Variants in CHCHD4 observed in about 807,000 individuals in gnomAD.
CHCHD4 encodes mitochondrial intermembrane space import and assembly protein 40.
A neutral mutation model predicts 12.4 loss-of-function variants in CHCHD4; 7 were observed. The observed-to-expected ratio is 0.57, with a 90% CI of 0.32 to 1.06. The LOEUF (loss-of-function observed/expected upper bound fraction) is 1.06. Ranked by LOEUF, CHCHD4 falls within the 50% of genes least tolerant of loss-of-function variation. CHCHD4 has a pLI of 0.04. For missense variants in CHCHD4, 143 were observed against 175.1 expected (o/e 0.82, Z 1.03); for synonymous variants, 56 against 58.0 (o/e 0.97, Z 0.16).
intron 1 of CHCHD4, among the ~76,000 whole-genome samples, chr3:14,123,007 T>A (rs1417901728): frequency 9.2e-6 from 1 of 108,300 alleles, no homozygotes; most frequent in African/African-American, 3.6e-5. Flanking sequence ...GATCATTTTT[T>A]AAAAATCCTA....
intron 1 of CHCHD4, among the ~76,000 whole-genome samples, chr3:14,122,411 G>T (rs1275028472): frequency 6.6e-6 from 1 of 152,242 alleles, no homozygotes; most frequent in African/African-American, 2.4e-5. Flanking sequence ...ATTGTTGACT[G>T]AACAGGAGTT....
intron 2 of CHCHD4, 128 bp downstream of exon 2, chr3:14,116,298 G>A (rs2124975760): frequency 1.4e-6 from 1 of 735,222 alleles, no homozygotes; most frequent in Non-Finnish European, 2.5e-6. Context: ...CCTCAGAGAT[G>A]GTCTATGGCT....
chr3:14,124,463 C>G (rs3733169), intron 1 of CHCHD4, among the ~76,000 whole-genome samples, 192 bp downstream of exon 1: 1 of 151,926 alleles, frequency 6.6e-6, no homozygotes, highest in Non-Finnish European at 1.5e-5. Flanking sequence ...CCGTTCCCCC[C>G]AGAGCTTCGG....
chr3:14,121,314 A>T (rs1490215927), intron 1 of CHCHD4, among the ~76,000 whole-genome samples: 1 of 152,194 alleles, frequency 6.6e-6, no homozygotes, highest in Non-Finnish European at 1.5e-5. Context: ...CTGGAACTTA[A>T]TGTGCCAGTG....
Position 14,113,104 on chromosome 3 carries a change from G to T in CHCHD4, c.212C>A (p.Ala71Asp). ...SGPCGEQFKS[A>D]FSCFHYSTEE... is the part of the protein sequence containing the mutation. ...CGTGCTATAGTGGAAGCAGGAAAAG[G>T]CTGACTTAAACTGTTCTCCACAGGG... Residue 71 changes from alanine to aspartate, a missense_variant, in exon 3 of 3, where the codon GCC becomes GAC. Ala to Asp is a moderately radical substitution (Grantham distance 126, BLOSUM62 -2). Coordinates refer to ENST00000396914, the MANE Select transcript of CHCHD4 (RefSeq NM_001098502.2). 2 of 1,614,092 alleles carry T rather than the reference G, an allele frequency of 1.2e-6. No homozygotes were observed. The highest frequency in any genetic ancestry group is 2.2e-5 in the East Asian group (1 of 44,868).
intron 1 of CHCHD4, among the ~76,000 whole-genome samples, chr3:14,122,319 C>T (rs1396078239): frequency 1.3e-5 from 2 of 152,210 alleles, no homozygotes; most frequent in East Asian, 3.9e-4. Flanking sequence ...GCAATCTGTT[C>T]CACCATGCCA....
chr3:14,113,176 C>G lies in CHCHD4; in HGVS notation c.140G>C (p.Gly47Ala), dbSNP rs1263623207. 1 of 1,609,082 alleles carries G rather than the reference C, an allele frequency of 6.2e-7. No individual in the cohort carries two copies. The highest frequency in any genetic ancestry group is 8.5e-7 in the Non-Finnish European group (1 of 1,177,428). The change falls in exon 3 of 3, where the codon GGA becomes GCA. Residue 47 changes from glycine (G) to alanine (A), a missense_variant. Physicochemically the swap from Gly to Ala is moderately conservative, Grantham distance 60. Coordinates refer to ENST00000396914, the MANE Select transcript of CHCHD4 (RefSeq NM_001098502.2). ...GCATGGGCAGTTCCAGTTAATGTTTCCATTTGGCAGTATCAATCCTAGAAC... is the reference window on the plus strand; with the variant it reads ...GCATGGGCAGTTCCAGTTAATGTTTGCATTTGGCAGTATCAATCCTAGAAC... ...YEEHGLILPN[G>A]NINWNCPCLG...
chr3:14,123,476 C>CT (rs35653652), intron 1 of CHCHD4, among the ~76,000 whole-genome samples: 14,340 of 152,156 alleles, frequency 0.094, 857 homozygotes, highest in Non-Finnish European at 0.11. Flanking sequence ...AGGAGAGGTT[C>CT]TAGAAGCAGA....
At chr3:14,117,298 A>G (rs1430301007) in intron 1 of CHCHD4, among the ~76,000 whole-genome samples, 1 of 152,174 alleles carries the variant, frequency 6.6e-6, no homozygotes, top group Non-Finnish European at 1.5e-5. Flanking sequence ...GACCAGTGAG[A>G]GTCAAATGCA....
chr3:14,116,381 C>T (rs1223130729), intron 2 of CHCHD4, 45 bp downstream of exon 2: 3 of 1,271,150 alleles, frequency 2.4e-6, no homozygotes, highest in East Asian at 4.6e-5. Context: ...TGAGCTTCTC[C>T]CCAGTGCCCT....
intron 1 of CHCHD4, among the ~76,000 whole-genome samples, chr3:14,123,074 G>C (rs1203373190): frequency 6.6e-6 from 1 of 152,066 alleles, no homozygotes; most frequent in Non-Finnish European, 1.5e-5. Context: ...GACTTCTTAC[G>C]GGGACAGTGG....
At chr3:14,120,878 G>A (rs949294607) in intron 1 of CHCHD4, among the ~76,000 whole-genome samples, 1 of 152,142 alleles carries the variant, frequency 6.6e-6, no homozygotes, top group African/African-American at 2.4e-5. Flanking sequence ...AACCTGAGAG[G>A]GGCTGCTGGC....
chr3:14,114,167 C>T (rs983648613), intron 2 of CHCHD4, among the ~76,000 whole-genome samples: 2 of 152,164 alleles, frequency 1.3e-5, no homozygotes, highest in Non-Finnish European at 2.9e-5. Context: ...GGCGAAACCC[C>T]GCCTGCCTTC....
intron 2 of CHCHD4, among the ~76,000 whole-genome samples, chr3:14,113,780 G>A (rs114160636): frequency 0.029 from 4,467 of 152,308 alleles, 95 homozygotes; most frequent in Middle Eastern, 0.054. Flanking sequence ...CCATTAGTGC[G>A]AGTGCATTCT....
chr3:14,122,784 C>G (rs2607763), intron 1 of CHCHD4, among the ~76,000 whole-genome samples: 12,460 of 152,188 alleles, frequency 0.082, 721 homozygotes, highest in Non-Finnish European at 0.12. Context: ...TCAGACAGTT[C>G]AGGATGTGAA....
chr3:14,113,370 G>A (rs1008857433), intron 2 of CHCHD4, among the ~76,000 whole-genome samples, 176 bp from the exon 3 acceptor site: 2 of 152,186 alleles, frequency 1.3e-5, no homozygotes, highest in Non-Finnish European at 2.9e-5. Flanking sequence ...TGGCCCACCT[G>A]GGAGAGAAGC....
chr3:14,123,062 G>A (rs981129451), intron 1 of CHCHD4, among the ~76,000 whole-genome samples: 6 of 152,042 alleles, frequency 3.9e-5, no homozygotes, highest in Non-Finnish European at 8.8e-5. Context: ...GGGGAAGTTA[G>A]GGACTTCTTA....
At chr3:14,114,061 AAGAG>A (rs1240609638) in intron 2 of CHCHD4, among the ~76,000 whole-genome samples, 1 of 152,174 alleles carries the variant, frequency 6.6e-6, no homozygotes, top group Non-Finnish European at 1.5e-5. Context: ...AGTACTTTCT[AAGAG>A]AGCCTCTAAA....
chr3:14,114,349 G>A (rs1023858674), intron 2 of CHCHD4, among the ~76,000 whole-genome samples: 2 of 152,130 alleles, frequency 1.3e-5, no homozygotes, highest in African/African-American at 2.4e-5. Flanking sequence ...ATTAAGCTAC[G>A]TTTGGTAACT....
Sources: gnomAD v4.1 joint callset for allele counts (sites outside exome capture counted in the v4.1 genomes callset) on GRCh38, gnomAD v4.1.1 for gene constraint, MANE v1.5 for transcripts, NCBI Gene and HGNC (gene_info 2026-07-23, HGNC 2026-07-21) for gene names.